PPARG: variants seen among roughly 807,000 people sequenced by gnomAD.
PPARG encodes peroxisome proliferator-activated receptor gamma.
A neutral mutation model predicts 39.2 loss-of-function variants in PPARG; 17 were observed. The observed-to-expected ratio is 0.43, with a 90% CI of 0.30 to 0.65. The LOEUF (loss-of-function observed/expected upper bound fraction) is 0.65, where lower values mean the gene tolerates loss of function less well. Ranked by LOEUF, PPARG falls within the 30% of genes least tolerant of loss-of-function variation. The probability of loss-of-function intolerance (pLI) is 0.13; values close to 1 mark genes in which losing one functional copy is unlikely to be tolerated. For synonymous variants in PPARG, 223 were observed against 215.7 expected (o/e 1.03, Z -0.30); for missense variants, 406 against 585.9 (o/e 0.69, Z 3.17).
intron 2 of PPARG, among the ~76,000 whole-genome samples, chr3:12,373,421 A>T (rs1469484324): frequency 6.6e-6 from 1 of 152,176 alleles, no homozygotes; most frequent in Admixed American, 6.6e-5. Context: ...TAGGACCACA[A>T]CCTTCCTCTT....
intron 7 of PPARG, among the ~76,000 whole-genome samples, chr3:12,424,648 A>G (rs2051375887): frequency 3.3e-5 from 5 of 152,160 alleles, no homozygotes; most frequent in Admixed American, 3.3e-4. Context: ...ACTGGTTCAA[A>G]TCACTCCTAG....
Position 12,298,324 on chromosome 3 carries a change from A to AAAAAAAAAAAAG in PPARG, c.-83+9193_-83+9194insAAAAAAAAGAAA, listed in dbSNP as rs764771478. Among the ~76,000 whole-genome samples, 684 of 134,438 alleles carry AAAAAAAAAAAAG rather than the reference A, an allele frequency of 5.1e-3. 12 individuals are homozygous for AAAAAAAAAAAAG. Among genetic ancestry groups the AAAAAAAAAAAAG allele is most frequent in the Middle Eastern group, 8.2e-3 (2 of 244 alleles). 88.2% of individuals were successfully genotyped at this position (134,438 alleles called of 152,430 possible). On this transcript the variant is annotated intron_variant, in intron 1 of 7. Transcript: ENST00000651735. ...AAAAAAAAAAAAAAAAAAAAAAAAA[A>AAAAAAAAAAAAG]AAAGAAATGTAAAATAGCAAGCGAG...
chr3:12,337,065 TAAAAC>T (rs890893521), intron 2 of PPARG, among the ~76,000 whole-genome samples: 30 of 152,258 alleles, frequency 2.0e-4, no homozygotes, highest in African/African-American at 7.0e-4. Flanking sequence ...CTTGGGGAAA[TAAAAC>T]AAATATACGT....
chr3:12,427,034 T>C (rs760450105), intron 7 of PPARG, among the ~76,000 whole-genome samples: 3 of 152,208 alleles, frequency 2.0e-5, no homozygotes, highest in Non-Finnish European at 2.9e-5. Context: ...TTTGCTTTTT[T>C]AGTCTCCCCA....
intron 2 of PPARG, among the ~76,000 whole-genome samples, chr3:12,369,515 C>A (rs1020830576): frequency 1.3e-5 from 2 of 152,152 alleles, no homozygotes; most frequent in East Asian, 3.9e-4. Context: ...ATAATAATAA[C>A]TTATACTATT....
At chr3:12,292,309 C>T (rs1161293029) in intron 1 of PPARG, among the ~76,000 whole-genome samples, 2 of 152,102 alleles carry the variant, frequency 1.3e-5, no homozygotes, top group African/African-American at 2.4e-5. Flanking sequence ...ACAGATTGTG[C>T]GCTTTGATTT....
At chr3:12,426,071 A>G (rs1203342701) in intron 7 of PPARG, among the ~76,000 whole-genome samples, 4 of 152,120 alleles carry the variant, frequency 2.6e-5, no homozygotes, top group African/African-American at 9.7e-5. Flanking sequence ...GAGTGTTGAG[A>G]TGAGGCAAGT....
chr3:12,367,703 TA>T (rs959007032), intron 2 of PPARG, among the ~76,000 whole-genome samples: 1 of 147,824 alleles, frequency 6.8e-6, no homozygotes, highest in African/African-American at 2.5e-5. Flanking sequence ...AAAATAAAAA[TA>T]AAAAAATAAA....
rs71628752 is a variant in PPARG at position 12,359,674 on chromosome 3, C to CTTTTTTTTT, written c.-8-20020_-8-20012dup. 7.3e-3 allele frequency among the ~76,000 whole-genome samples: 950 copies of CTTTTTTTTT among 129,712 alleles called. 46 individuals carry two copies. Among genetic ancestry groups the CTTTTTTTTT allele is most frequent in the African/African-American group, 0.026 (893 of 34,534 alleles). 85.1% of individuals were successfully genotyped at this position (129,712 alleles called of 152,430 possible). The stretch of plus-strand genomic sequence containing the variant: ...ACTTTTCCTACTTACTCTTTTATTT[C>CTTTTTTTTT]TTTTTTTTTTTTTTTTTTGAGACAG... On this transcript the variant is annotated intron_variant, in intron 2 of 7. Coordinates refer to ENST00000651735, the MANE Select transcript of PPARG (RefSeq NM_138711.6).
At chr3:12,352,064 A>G (rs1479316911) in intron 2 of PPARG, among the ~76,000 whole-genome samples, 1 of 152,098 alleles carries the variant, frequency 6.6e-6, no homozygotes, top group Non-Finnish European at 1.5e-5. Flanking sequence ...GATCTCTCAT[A>G]ACTGTTTTTA....
chr3:12,381,359 T>C lies in PPARG; in HGVS notation c.258T>C (p.Tyr86=). ...IKVEPASPPY[Y]SEKTQLYNKP... ...TGGAGCCTGCATCTCCACCTTATTA[T>C]TCTGAGAAGACTCAGCTCTACAATA... The change falls in exon 4 of 8, where the codon TAT becomes TAC. Residue 86 remains tyrosine, a synonymous_variant. Coordinates refer to ENST00000651735, the MANE Select transcript of PPARG (RefSeq NM_138711.6). The C allele has an allele frequency of 1.2e-6, 2 of 1,613,412 alleles. No individual in the cohort carries two copies. Among genetic ancestry groups the C allele is most frequent in the Non-Finnish European group, 8.5e-7 (1 of 1,179,690 alleles).
intron 4 of PPARG, among the ~76,000 whole-genome samples, chr3:12,391,936 G>A (rs1279827398): frequency 6.6e-6 from 1 of 152,100 alleles, no homozygotes; most frequent in African/African-American, 2.4e-5. Flanking sequence ...TGTAAATATA[G>A]CAGAATATTC....
chr3:12,367,828 T>G (rs2049066545), intron 2 of PPARG, among the ~76,000 whole-genome samples: 1 of 151,966 alleles, frequency 6.6e-6, no homozygotes, highest in Non-Finnish European at 1.5e-5. Context: ...TGAACCATAA[T>G]TGTGCCACTG....
At chr3:12,429,486 G>A (rs1173028175) in intron 7 of PPARG, among the ~76,000 whole-genome samples, 1 of 151,046 alleles carries the variant, frequency 6.6e-6, no homozygotes, top group African/African-American at 2.4e-5. Context: ...GAGGGGCTGA[G>A]GAGGGCAAAT....
At chr3:12,328,921 C>T (rs375732056) in intron 2 of PPARG, among the ~76,000 whole-genome samples, 1 of 152,142 alleles carries the variant, frequency 6.6e-6, no homozygotes, top group Non-Finnish European at 1.5e-5. Context: ...AAAGGAAGTT[C>T]AACAGTCAGC....
chr3:12,290,912 C>G (rs577921237), intron 1 of PPARG, among the ~76,000 whole-genome samples: 2 of 152,148 alleles, frequency 1.3e-5, no homozygotes, highest in Non-Finnish European at 2.9e-5. Flanking sequence ...CTGAATGTTT[C>G]ACACATTCTG....
intron 2 of PPARG, among the ~76,000 whole-genome samples, chr3:12,346,780 A>G (rs1417720850): frequency 6.6e-6 from 1 of 151,518 alleles, no homozygotes; most frequent in Non-Finnish European, 1.5e-5. Flanking sequence ...CACTACAGGT[A>G]CATGCCACCA....
chr3:12,376,040 C>T (rs1274426002), intron 2 of PPARG, among the ~76,000 whole-genome samples: 5 of 151,858 alleles, frequency 3.3e-5, no homozygotes, highest in Non-Finnish European at 7.4e-5. Context: ...ACCTCTCTCT[C>T]CTGGGTTCAA....
chr3:12,409,399 A>G (rs1442278202), intron 6 of PPARG, among the ~76,000 whole-genome samples: 1 of 148,760 alleles, frequency 6.7e-6, no homozygotes, highest in Non-Finnish European at 1.5e-5. Flanking sequence ...GAAACAGTTC[A>G]GAGAGGAATA....
Sources: gnomAD v4.1 joint callset for allele counts (sites outside exome capture counted in the v4.1 genomes callset) on GRCh38, gnomAD v4.1.1 for gene constraint, MANE v1.5 for transcripts, NCBI Gene and HGNC (gene_info 2026-07-23, HGNC 2026-07-21) for gene names.